BRSK2: variants seen among roughly 807,000 people sequenced by gnomAD.
BRSK2 encodes BR serine/threonine kinase 2.
In BRSK2, 19 loss-of-function variants were observed where a neutral mutation model predicts 83.3. The observed-to-expected ratio is 0.23, with a 90% CI of 0.16 to 0.33. The LOEUF (loss-of-function observed/expected upper bound fraction) is 0.33. Among genes scored for constraint, BRSK2 ranks in the 10% least tolerant of loss-of-function variants. BRSK2 has a pLI of 1.00. For missense variants in BRSK2, 798 were observed against 1,042.3 expected (o/e 0.77, Z 3.23); for synonymous variants, 519 against 435.4 (o/e 1.19, Z -2.39).
At position 1,423,309 on chromosome 11, in the gene BRSK2, TA is replaced by T. The variant is rs1357546319; in HGVS notation, c.92-12730del. The stretch of plus-strand genomic sequence containing the variant: ...TGTCCTGTCCTTAGCGTCTTGAGGC[TA>T]GGGGTGAGTTCGAGACCTCGTAAAT... On this transcript the variant is annotated intron_variant, in intron 1 of 19. Coordinates refer to ENST00000528841, the MANE Select transcript of BRSK2 (RefSeq NM_001256627.2). This position sits in a 1 kb window ranked among gnomAD's most constrained non-coding sequence, Gnocchi z 6.5. Among the ~76,000 whole-genome samples the T allele has an allele frequency of 2.0e-5, 3 of 152,106 alleles. No individual in the cohort carries two copies. Among genetic ancestry groups the T allele is most frequent in the Non-Finnish European group, 4.4e-5 (3 of 68,018 alleles).
chr11:1,428,583 C>A (rs115792516), intron 1 of BRSK2, among the ~76,000 whole-genome samples: 4 of 152,320 alleles, frequency 2.6e-5, no homozygotes, highest in African/African-American at 9.6e-5. Context: ...CAGCAGTGTC[C>A]TTTCAATAAA....
chr11:1,453,423 C>T (rs1398808873), intron 15 of BRSK2, among the ~76,000 whole-genome samples: 1 of 152,272 alleles, frequency 6.6e-6, no homozygotes, highest in Non-Finnish European at 1.5e-5. Context: ...CTCACCTGTG[C>T]TTCCAGAACT....
chr11:1,401,234 C>A (rs1386785843), intron 1 of BRSK2, among the ~76,000 whole-genome samples: 1 of 152,250 alleles, frequency 6.6e-6, no homozygotes, highest in Non-Finnish European at 1.5e-5. Flanking sequence ...TCAGCACATG[C>A]CCCCGGCATC....
In BRSK2 at chr11:1,443,323, T is replaced by C. The variant is rs778256548; in HGVS notation, c.565-12T>C. ...CTGCGCCCCCCAACAGCCCGGGCAC[T>C]GCTGTCCACAGGGGGAGAAGTATGA... On this transcript the variant is annotated splice_polypyrimidine_tract_variant and intron_variant, in intron 6 of 19. Coordinates refer to ENST00000528841, the MANE Select transcript of BRSK2 (RefSeq NM_001256627.2). 5 of 1,603,746 alleles carry C rather than the reference T, an allele frequency of 3.1e-6. No individual in the cohort carries two copies. The Admixed American group carries it at 6.7e-5, about 22-fold the overall frequency.
chr11:1,410,703 C>A, intron 1 of BRSK2: 1 of 985,432 alleles, frequency 1.0e-6, no homozygotes, highest in Non-Finnish European at 1.2e-6. Flanking sequence ...TCAGGAGCCC[C>A]CGCCTGCCTA....
intron 12 of BRSK2, among the ~76,000 whole-genome samples, chr11:1,446,335 G>A (rs1013141038): frequency 3.3e-5 from 5 of 150,790 alleles, no homozygotes; most frequent in Admixed American, 2.6e-4. Flanking sequence ...GGGCTGAGAC[G>A]GATTTGACTG....
At position 1,460,742 on chromosome 11, in the gene BRSK2, C is replaced by CCCAGCA; in HGVS notation, c.*20_*21insCAGCAC. On this transcript the variant is annotated 3_prime_UTR_variant, in exon 20 of 20. Coordinates refer to ENST00000528841, the MANE Select transcript of BRSK2 (RefSeq NM_001256627.2). ...GCCTTAGACACACTAGCCCCCCCCC[C>CCCAGCA]CAGCACAGCACTGACAGCGGCTGCC... The CCCAGCA allele has an allele frequency of 2.8e-6, 4 of 1,414,408 alleles. No individual in the cohort carries two copies. The highest frequency in any genetic ancestry group is 3.7e-6 in the Non-Finnish European group (4 of 1,079,394). 87.6% of individuals were successfully genotyped at this position (1,414,408 alleles called of 1,614,324 possible). A position where few individuals can be genotyped will look rare whatever the true frequency, so the allele number is the denominator to read the frequency against.
At chr11:1,412,435 G>A in intron 1 of BRSK2, among the ~76,000 whole-genome samples, 1 of 88,616 alleles carries the variant, frequency 1.1e-5, no homozygotes, top group East Asian at 2.1e-4. Flanking sequence ...TCCTGCGGTG[G>A]GTGGAGTCTC....
At chr11:1,446,077 G>GCTGTGCTGTGCTGGACTGGA (rs1852035209) in intron 12 of BRSK2, among the ~76,000 whole-genome samples, 170 bp downstream of exon 12, 1 of 144,472 alleles carries the variant, frequency 6.9e-6, no homozygotes, top group African/African-American at 2.8e-5. Flanking sequence ...GCTTGGCTGG[G>GCTGTGCTGTGCTGGACTGGA]CTGGGCTGGG....
chr11:1,446,900 G>C (rs78998261), intron 12 of BRSK2, among the ~76,000 whole-genome samples: 4,597 of 151,312 alleles, frequency 0.03, 166 homozygotes, highest in African/African-American at 0.092. Context: ...CTGGAGATGT[G>C]GGGGGTGGGA....
At chr11:1,411,505 C>T (rs376177272) in intron 1 of BRSK2, 18 of 1,499,048 alleles carry the variant, frequency 1.2e-5, no homozygotes, top group South Asian at 6.5e-5. Context: ...TCTGGCCCAG[C>T]GGTGGGCAGG....
At chr11:1,460,412 C>G in intron 19 of BRSK2, 88 bp from the exon 20 acceptor site, 2,229 of 786,644 alleles carry the variant, frequency 2.8e-3, no homozygotes, top group Non-Finnish European at 3.6e-3. Context: ...TTCTCTTTCT[C>G]TCTCCTTCCC....
chr11:1,403,034 G>A (rs1230409138), intron 1 of BRSK2, among the ~76,000 whole-genome samples: 5 of 152,180 alleles, frequency 3.3e-5, no homozygotes, highest in Non-Finnish European at 7.3e-5. Flanking sequence ...GAGGACGGGC[G>A]GGACCCCCCG....
At chr11:1,403,977 C>T (rs1205377118) in intron 1 of BRSK2, among the ~76,000 whole-genome samples, 7 of 152,118 alleles carry the variant, frequency 4.6e-5, no homozygotes, top group Admixed American at 1.3e-4. Flanking sequence ...TCAGATGGGG[C>T]GAATGGGGTG....
At chr11:1,420,921 C>T (rs946744428) in intron 1 of BRSK2, among the ~76,000 whole-genome samples, 3 of 152,202 alleles carry the variant, frequency 2.0e-5, no homozygotes, top group Non-Finnish European at 4.4e-5. Flanking sequence ...CCTGTGCCCC[C>T]CAGGGCCCCC....
Position 1,411,494 on chromosome 11 carries a change from G to C in BRSK2, c.91+21119G>C, listed in dbSNP as rs770693586. On this transcript the variant is annotated intron_variant, in intron 1 of 19. Coordinates refer to ENST00000528841, the MANE Select transcript of BRSK2 (RefSeq NM_001256627.2). ...CCCTCTGCTCCCCAAGAGAGCCCAG[G>C]TCTGGCCCAGCGGTGGGCAGGGGAG... The C allele has an allele frequency of 4.7e-6, 7 of 1,489,688 alleles. No individual in the cohort carries two copies. The African/African-American group carries it at 1.0e-4, about 21-fold the overall frequency. 92.3% of individuals were successfully genotyped at this position (1,489,688 alleles called of 1,614,324 possible). A position where few individuals can be genotyped will look rare whatever the true frequency, so the allele number is the denominator to read the frequency against.
intron 1 of BRSK2, among the ~76,000 whole-genome samples, chr11:1,398,600 G>A (rs992425976): frequency 6.6e-6 from 1 of 152,182 alleles, no homozygotes; most frequent in Non-Finnish European, 1.5e-5. Flanking sequence ...ACTTTCTGCA[G>A]AGCGCAGGGC....
At position 1,424,387 on chromosome 11, in the gene BRSK2, T is replaced by G. The variant is rs1191053300; in HGVS notation, c.92-11653T>G. ...AGGAAGAAGGACAGGGAGAGCCAGG[T>G]GGGGACAAGGTGTCCTGCCGGGGTG... On this transcript the variant is annotated intron_variant, in intron 1 of 19. Coordinates refer to ENST00000528841, the MANE Select transcript of BRSK2 (RefSeq NM_001256627.2). Among the ~76,000 whole-genome samples, 3 of 152,258 alleles carry G rather than the reference T, an allele frequency of 2.0e-5. No homozygotes were observed. In the East Asian group the frequency reaches 5.8e-4, roughly 29 times the overall value.
intron 1 of BRSK2, among the ~76,000 whole-genome samples, chr11:1,425,035 C>A (rs1436981232): frequency 6.6e-6 from 1 of 152,240 alleles, no homozygotes; most frequent in Non-Finnish European, 1.5e-5. Context: ...GTTTCCCACT[C>A]AGCGAGGCTG....
Sources: allele counts gnomAD v4.1 joint callset (sites outside exome capture counted in the v4.1 genomes callset), GRCh38; gene constraint gnomAD v4.1.1; non-coding constraint Gnocchi (gnomAD v3.1); transcripts MANE v1.5; gene names NCBI Gene and HGNC (gene_info 2026-07-23, HGNC 2026-07-21).